Variants in GTF2F2 observed in about 807,000 individuals in gnomAD.
The protein encoded by GTF2F2 is ATP-dependent helicase GTF2F2.
In GTF2F2, 23 loss-of-function variants were observed where a neutral mutation model predicts 42.2. The ratio of observed to expected loss-of-function variants is 0.55; its 90% CI spans 0.39 to 0.77. GTF2F2 has a LOEUF of 0.77. Among genes scored for constraint, GTF2F2 ranks in the 30% least tolerant of loss-of-function variants. The pLI, the probability that GTF2F2 is intolerant of heterozygous loss-of-function variation, is 0.00. For synonymous variants in GTF2F2, 105 were observed against 100.8 expected (o/e 1.04, Z -0.25); for missense variants, 261 against 287.2 (o/e 0.91, Z 0.66).
At chr13:45,270,686 T>C (rs991771837) in intron 7 of GTF2F2, among the ~76,000 whole-genome samples, 9 of 152,320 alleles carry the variant, frequency 5.9e-5, no homozygotes, top group African/African-American at 2.2e-4. Context: ...TATTTTTATA[T>C]GGTTTAACTT....
intron 4 of GTF2F2, chr13:45,193,725 A>C (rs1872747517): frequency 1.4e-6 from 2 of 1,467,758 alleles, no homozygotes; most frequent in Middle Eastern, 1.8e-4. Flanking sequence ...GATGTCTTTG[A>C]TGCTGTGGTT....
At chr13:45,282,184 G>A (rs551516067) in intron 7 of GTF2F2, among the ~76,000 whole-genome samples, 2 of 151,874 alleles carry the variant, frequency 1.3e-5, no homozygotes, top group Non-Finnish European at 2.9e-5. Context: ...GGCAACAAGA[G>A]CAAAACTCCA....
intron 7 of GTF2F2, among the ~76,000 whole-genome samples, chr13:45,273,248 AT>A (rs1876880171): frequency 6.6e-6 from 1 of 151,196 alleles, no homozygotes; most frequent in African/African-American, 2.4e-5. Flanking sequence ...ATTTTTTAAA[AT>A]TTTTTTTGTG....
intron 5 of GTF2F2, among the ~76,000 whole-genome samples, chr13:45,248,296 G>T (rs1300897764): frequency 6.6e-6 from 1 of 152,148 alleles, no homozygotes; most frequent in Non-Finnish European, 1.5e-5. Flanking sequence ...TAGATGTACT[G>T]TATGTTTCCA....
chr13:45,120,793 G>A, intron 1 of GTF2F2, 72 bp downstream of exon 1: 2 of 1,102,018 alleles, frequency 1.8e-6, no homozygotes, highest in Non-Finnish European at 2.7e-6. Flanking sequence ...AGCCTATCCC[G>A]CTCCGTGCGC....
At chr13:45,162,526 A>G (rs558639334) in intron 4 of GTF2F2, among the ~76,000 whole-genome samples, 2 of 152,302 alleles carry the variant, frequency 1.3e-5, no homozygotes, top group South Asian at 2.1e-4. Flanking sequence ...TTAGTTTTGT[A>G]TTTTACTGCC....
At chr13:45,155,033 A>G (rs953995222) in intron 4 of GTF2F2, among the ~76,000 whole-genome samples, 1 of 152,234 alleles carries the variant, frequency 6.6e-6, no homozygotes, top group Non-Finnish European at 1.5e-5. Flanking sequence ...CTAGGAAGTC[A>G]TAAATAGTAG....
chr13:45,205,262 A>G (rs745799728), intron 4 of GTF2F2, among the ~76,000 whole-genome samples: 33 of 152,186 alleles, frequency 2.2e-4, no homozygotes, highest in Non-Finnish European at 1.5e-4. Flanking sequence ...GGAAGCAGGC[A>G]CCAAGGTGGC....
intron 4 of GTF2F2, among the ~76,000 whole-genome samples, chr13:45,164,369 T>C (rs193208657): frequency 1.3e-5 from 2 of 152,230 alleles, no homozygotes; most frequent in Admixed American, 1.3e-4. Context: ...AAGGTAAGAC[T>C]TTAAAACTGA....
chr13:45,278,715 C>T (rs1877129931), intron 7 of GTF2F2, among the ~76,000 whole-genome samples: 1 of 151,202 alleles, frequency 6.6e-6, no homozygotes, highest in East Asian at 2.0e-4. Flanking sequence ...CATCTCTATG[C>T]GGGCTGTGTT....
chr13:45,188,849 T>C (rs1450134636), intron 4 of GTF2F2, among the ~76,000 whole-genome samples: 5 of 152,288 alleles, frequency 3.3e-5, no homozygotes, highest in African/African-American at 1.2e-4. Flanking sequence ...TGTGAAAATC[T>C]TATATTCACC....
intron 7 of GTF2F2, among the ~76,000 whole-genome samples, chr13:45,269,029 A>T (rs1876681620): frequency 6.6e-6 from 1 of 152,186 alleles, no homozygotes; most frequent in African/African-American, 2.4e-5. Flanking sequence ...AAATGTATGA[A>T]TTGTTCTGGG....
At chr13:45,212,926 G>A (rs976087298) in intron 5 of GTF2F2, among the ~76,000 whole-genome samples, 6 of 151,596 alleles carry the variant, frequency 4.0e-5, no homozygotes, top group African/African-American at 1.5e-4. Flanking sequence ...GTTTTTAGTA[G>A]AGACAGGGTT....
intron 4 of GTF2F2, among the ~76,000 whole-genome samples, chr13:45,174,085 T>C (rs1593470929): frequency 6.6e-6 from 1 of 152,168 alleles, no homozygotes; most frequent in Non-Finnish European, 1.5e-5. Context: ...TGTACCACAG[T>C]ACATCTAACT....
intron 1 of GTF2F2, among the ~76,000 whole-genome samples, chr13:45,123,762 C>CT (rs1399387577): frequency 6.6e-6 from 1 of 151,050 alleles, no homozygotes; most frequent in African/African-American, 2.4e-5. Context: ...CTGTTCTGGC[C>CT]TAATGAAGTG....
At chr13:45,283,387 GT>G in intron 7 of GTF2F2, 54 bp from the exon 8 acceptor site, 1 of 1,523,768 alleles carries the variant, frequency 6.6e-7, no homozygotes, top group East Asian at 2.3e-5. Context: ...CTTATTTTAA[GT>G]TTTGTCCCCT....
intron 5 of GTF2F2, among the ~76,000 whole-genome samples, chr13:45,237,624 A>G (rs554598513): frequency 6.6e-6 from 1 of 152,236 alleles, no homozygotes; most frequent in East Asian, 1.9e-4. Context: ...AAGAAGTTGA[A>G]TAACTTGACC....
chr13:45,186,123 C>T (rs146671253), intron 4 of GTF2F2, among the ~76,000 whole-genome samples: 1,630 of 151,372 alleles, frequency 0.011, 34 homozygotes, highest in African/African-American at 0.038. Context: ...TACAGGCATG[C>T]GCCACCATGC....
At chr13:45,250,300 C>T (rs571892844) in intron 5 of GTF2F2, among the ~76,000 whole-genome samples, 30 of 152,238 alleles carry the variant, frequency 2.0e-4, no homozygotes, top group African/African-American at 5.3e-4. Context: ...AGTAATCTGC[C>T]TGCCTCCACC....
Sources: gnomAD v4.1 joint callset for allele counts (sites outside exome capture counted in the v4.1 genomes callset) on GRCh38, gnomAD v4.1.1 for gene constraint, MANE v1.5 for transcripts, NCBI Gene and HGNC (gene_info 2026-07-23, HGNC 2026-07-21) for gene names.